PRKCE: variants seen among roughly 807,000 people sequenced by gnomAD.
PRKCE encodes the protein protein kinase C epsilon.
In PRKCE, 16 loss-of-function variants were observed where a neutral mutation model predicts 85.4. The observed-to-expected ratio is 0.19, with a 90% CI of 0.13 to 0.28. PRKCE has a LOEUF of 0.28. Ranked by LOEUF, PRKCE falls within the 10% of genes least tolerant of loss-of-function variation. The pLI is 1.00. For missense variants in PRKCE, 573 were observed against 975.2 expected, an observed-to-expected ratio of 0.59 and a Z score of 5.49; for synonymous variants, 388 against 371.5, an observed-to-expected ratio of 1.04 and a Z score of -0.51.
At chr2:46,141,741 C>G (rs1375652903) in intron 11 of PRKCE, among the ~76,000 whole-genome samples, 2 of 151,572 alleles carry the variant, frequency 1.3e-5, no homozygotes, top group Non-Finnish European at 2.9e-5. Flanking sequence ...CAAAAGTACC[C>G]TGGCCTTGTA....
At chr2:46,073,316 T>C (rs548631680) in intron 10 of PRKCE, 1 of 152,380 alleles carries the variant, frequency 6.6e-6, no homozygotes, top group East Asian at 1.9e-4. Flanking sequence ...TTCTACCCAC[T>C]GGGCTTAGTT....
chr2:46,114,203 G>C (rs191450991), intron 11 of PRKCE, among the ~76,000 whole-genome samples: 1 of 152,038 alleles, frequency 6.6e-6, no homozygotes, highest in Non-Finnish European at 1.5e-5. Flanking sequence ...CACAGAACTC[G>C]AGGGTTCTGT....
At chr2:46,059,857 T>C (rs1232205042) in intron 10 of PRKCE, among the ~76,000 whole-genome samples, 2 of 152,212 alleles carry the variant, frequency 1.3e-5, no homozygotes, top group Non-Finnish European at 2.9e-5. Flanking sequence ...TTTGGGCCAT[T>C]TGCTTACTAC....
chr2:45,880,759 T>A (rs1189418779), intron 2 of PRKCE, among the ~76,000 whole-genome samples: 1 of 152,118 alleles, frequency 6.6e-6, no homozygotes, highest in Non-Finnish European at 1.5e-5. Context: ...ACTACTGTGG[T>A]TTGAATACAG....
chr2:45,819,927 C>CCA (rs1689388348), intron 1 of PRKCE, among the ~76,000 whole-genome samples: 2 of 152,094 alleles, frequency 1.3e-5, no homozygotes, highest in Admixed American at 1.3e-4. Flanking sequence ...ATTGCACAGC[C>CCA]CACTGTATTC....
At chr2:45,991,673 A>G (rs1439533341) in intron 6 of PRKCE, among the ~76,000 whole-genome samples, 3 of 152,222 alleles carry the variant, frequency 2.0e-5, no homozygotes, top group African/African-American at 2.4e-5. Flanking sequence ...CTTTTCATGC[A>G]TATGTGTGAA....
At chr2:45,655,162 T>A (rs557772883) in intron 1 of PRKCE, among the ~76,000 whole-genome samples, 1 of 152,256 alleles carries the variant, frequency 6.6e-6, no homozygotes, top group East Asian at 1.9e-4. Context: ...CTGTGGGCCA[T>A]CCAGAGGAAA....
Position 46,159,621 on chromosome 2 carries a change from C to T in PRKCE, c.1936C>T (p.Pro646Ser), listed in dbSNP as rs1446404436. The T allele has an allele frequency of 1.9e-6, 3 of 1,594,698 alleles. No individual in the cohort carries two copies. Among genetic ancestry groups the T allele is most frequent in the Non-Finnish European group, 1.7e-6 (2 of 1,177,728 alleles). ...ATCCCTGCAGTTCATGACGAAGAAT[C>T]CCCACAAGCGCCTGGGCTGTGTGGC... is the stretch of plus-strand genomic sequence containing the variant. The part of the protein sequence containing the change: ...SILKAFMTKN[P>S]HKRLGCVASQ... Residue 646 changes from proline (P) to serine (S), a missense_variant, in exon 14 of 15, where the codon CCC becomes TCC. By Grantham distance (74) the Pro-to-Ser change is moderately conservative (BLOSUM62 -1). Transcript: ENST00000306156. This position sits in a 1 kb window ranked among gnomAD's most constrained non-coding sequence, Gnocchi z 4.1.
chr2:45,938,889 C>T (rs1348236395), intron 2 of PRKCE, among the ~76,000 whole-genome samples: 1 of 152,204 alleles, frequency 6.6e-6, no homozygotes, highest in African/African-American at 2.4e-5. Context: ...CACCCAGTTA[C>T]ACATGGTGGG....
chr2:46,148,762 G>A lies in PRKCE; in HGVS notation c.1732-2279G>A, dbSNP rs371418125. 1.1e-4 allele frequency among the ~76,000 whole-genome samples: 17 copies of A among 152,320 alleles called. 1 individual carries two copies. Among genetic ancestry groups the A allele is most frequent in the African/African-American group, 3.6e-4 (15 of 41,560 alleles). ...CGCTGGCCATGAAAAAATAACTAACGACGTAGTGGTATGTGGAAAGTGAGA... is the reference window on the plus strand; with the variant it reads ...CGCTGGCCATGAAAAAATAACTAACAACGTAGTGGTATGTGGAAAGTGAGA... On this transcript the variant is annotated intron_variant, in intron 12 of 14. Coordinates refer to ENST00000306156, the MANE Select transcript of PRKCE (RefSeq NM_005400.3).
At chr2:46,116,940 T>C (rs565405778) in intron 11 of PRKCE, among the ~76,000 whole-genome samples, 2 of 152,326 alleles carry the variant, frequency 1.3e-5, no homozygotes, top group East Asian at 3.9e-4. Context: ...TTTCTCTTGC[T>C]ATTGTTTGAA....
intron 11 of PRKCE, among the ~76,000 whole-genome samples, chr2:46,117,831 T>C (rs1265401696): frequency 1.3e-5 from 2 of 152,226 alleles, no homozygotes; most frequent in East Asian, 1.9e-4. Context: ...AGGTAATCAC[T>C]GAATCTTTGT....
intron 2 of PRKCE, among the ~76,000 whole-genome samples, chr2:45,969,070 T>A (rs925000089): frequency 1.0e-5 from 1 of 95,954 alleles, no homozygotes; most frequent in African/African-American, 3.8e-5. Context: ...TATAAAACCT[T>A]CTGGAGTTTG....
chr2:45,999,576 G>C (rs974777431), intron 6 of PRKCE, among the ~76,000 whole-genome samples: 16 of 151,652 alleles, frequency 1.1e-4, no homozygotes, highest in South Asian at 1.0e-3. Context: ...TTGTTTGTTT[G>C]TTTCTTTTTG....
intron 2 of PRKCE, among the ~76,000 whole-genome samples, chr2:45,882,375 C>T (rs1268839136): frequency 6.6e-6 from 1 of 152,166 alleles, no homozygotes; most frequent in Non-Finnish European, 1.5e-5. Flanking sequence ...AAGCATCACA[C>T]GTGGGTTAAT....
chr2:45,980,410 G>A, intron 5 of PRKCE, 29 bp downstream of exon 5: 1 of 1,593,480 alleles, frequency 6.3e-7, no homozygotes, highest in South Asian at 1.1e-5. Flanking sequence ...GAAATTCTGG[G>A]CTTCTTCACC....
intron 1 of PRKCE, among the ~76,000 whole-genome samples, chr2:45,793,489 A>G (rs1488246347): frequency 2.0e-5 from 3 of 152,216 alleles, no homozygotes; most frequent in African/African-American, 4.8e-5. Flanking sequence ...TTTGTCTGCA[A>G]TGAAGATTAC....
intron 14 of PRKCE, chr2:46,164,631 T>A (rs1421524734): frequency 6.6e-6 from 1 of 152,558 alleles, no homozygotes; most frequent in Admixed American, 6.5e-5. Flanking sequence ...GGACCTGGTT[T>A]TGTCAGGTGG....
At chr2:45,954,795 T>TA (rs1700860358) in intron 2 of PRKCE, among the ~76,000 whole-genome samples, 1 of 152,200 alleles carries the variant, frequency 6.6e-6, no homozygotes, top group African/African-American at 2.4e-5. Context: ...GAACCGAGGA[T>TA]AGCTTTTATT....
Sources: allele counts gnomAD v4.1 joint callset (sites outside exome capture counted in the v4.1 genomes callset), GRCh38; gene constraint gnomAD v4.1.1; non-coding constraint Gnocchi (gnomAD v3.1); transcripts MANE v1.5; gene names NCBI Gene and HGNC (gene_info 2026-07-23, HGNC 2026-07-21).